The following ABL2 variants were observed in gnomAD, a reference collection of about 807,000 sequenced individuals.
ABL2 encodes tyrosine-protein kinase ABL2.
In ABL2, 49 loss-of-function variants were observed where a neutral mutation model predicts 107.7. That is an observed-to-expected ratio of 0.45 (90% CI 0.36 to 0.58). The LOEUF is 0.58. Ranked by LOEUF, ABL2 falls within the 20% of genes least tolerant of loss-of-function variation. The probability of loss-of-function intolerance (pLI) is 0.00; values close to 1 mark genes in which losing one functional copy is unlikely to be tolerated. For synonymous variants in ABL2, 549 were observed against 548.6 expected (o/e 1.00, Z -0.01); for missense variants, 1,245 against 1,457.0 (o/e 0.85, Z 2.37).
At position 179,106,704 on chromosome 1, in the gene ABL2, A is replaced by C. The variant is rs1322594024; in HGVS notation, c.*1014T>G. ...ACAGGCCACTGGGTTTCAAGAAAAGACCATCTCCCTGGTATTTTAGTTGAT... is the reference window on the plus strand; with the variant it reads ...ACAGGCCACTGGGTTTCAAGAAAAGCCCATCTCCCTGGTATTTTAGTTGAT... On this transcript the variant is annotated 3_prime_UTR_variant, in exon 12 of 12. Transcript: ENST00000502732. The C allele has an allele frequency of 4.3e-6, 1 of 232,196 alleles. No homozygotes were observed. Among genetic ancestry groups the C allele is most frequent in the Non-Finnish European group, 8.5e-6 (1 of 117,480 alleles). The allele number at this position is 232,196 out of a possible 1,614,324, so 14.4% of individuals were successfully genotyped here.
At chr1:179,203,007 T>C (rs773117323) in intron 1 of ABL2, among the ~76,000 whole-genome samples, 52 of 152,314 alleles carry the variant, frequency 3.4e-4, no homozygotes, top group East Asian at 9.6e-4. Context: ...GATACACACA[T>C]CAAAGAGGCT....
At position 179,150,859 on chromosome 1, in the gene ABL2, C is replaced by CCCCAACTT. The variant is rs535942557; in HGVS notation, c.158-17493_158-17486dup. Among the ~76,000 whole-genome samples, 7 of 152,246 alleles carry CCCCAACTT rather than the reference C, an allele frequency of 4.6e-5. No homozygotes were observed. In the East Asian group the frequency reaches 5.8e-4, roughly 13 times the overall value. On this transcript the variant is annotated intron_variant, in intron 1 of 11. Coordinates refer to ENST00000502732, the MANE Select transcript of ABL2 (RefSeq NM_007314.4). ...TTATTTTAAGAAATTGCCACAGCCA[C>CCCCAACTT]CCCAACTTCCCAACTTCCCAACTTC...
chr1:179,210,655 T>C (rs1662223665), intron 1 of ABL2, among the ~76,000 whole-genome samples: 1 of 151,860 alleles, frequency 6.6e-6, no homozygotes, highest in Non-Finnish European at 1.5e-5. Flanking sequence ...ATCGAGACCA[T>C]CCTGGCTAAC....
At chr1:179,213,775 T>C (rs1281214978) in intron 1 of ABL2, among the ~76,000 whole-genome samples, 2 of 151,048 alleles carry the variant, frequency 1.3e-5, no homozygotes, top group African/African-American at 2.4e-5. Context: ...CATGTATTAC[T>C]GTGGTAAAAA....
intron 5 of ABL2, 58 bp from the exon 6 acceptor site, chr1:179,120,332 A>C: frequency 9.2e-6 from 10 of 1,083,908 alleles, no homozygotes; most frequent in Non-Finnish European, 1.4e-5. Context: ...CTCAACTTAA[A>C]ATCATTTCAT....
chr1:179,101,732 A>G lies in ABL2; in HGVS notation c.*5986T>C, dbSNP rs1653106741. The G allele has an allele frequency of 5.4e-6, 1 of 185,006 alleles. No homozygotes were observed. Among genetic ancestry groups the G allele is most frequent in the Non-Finnish European group, 1.1e-5 (1 of 87,262 alleles). 11.5% of individuals were successfully genotyped at this position (185,006 alleles called of 1,614,324 possible). ...CATACCTCAGAGAGGTGGCATGAAA[A>G]GCAGAAATTCATCCGTCTGCACATT... On this transcript the variant is annotated 3_prime_UTR_variant, in exon 12 of 12. Transcript: ENST00000502732.
At chr1:179,117,647 A>C in intron 7 of ABL2, 131 bp from the exon 8 acceptor site, 1 of 796,316 alleles carries the variant, frequency 1.3e-6, no homozygotes, top group Non-Finnish European at 2.0e-6. Context: ...ATCTTCTGAT[A>C]ATCACTAACA....
intron 1 of ABL2, among the ~76,000 whole-genome samples, chr1:179,220,603 T>C (rs544423081): frequency 6.6e-5 from 10 of 152,340 alleles, no homozygotes; most frequent in Non-Finnish European, 1.3e-4. Flanking sequence ...GACTAAAGCA[T>C]GGAATACAGA....
intron 1 of ABL2, among the ~76,000 whole-genome samples, chr1:179,139,292 A>T (rs1657351787): frequency 6.6e-6 from 1 of 150,998 alleles, no homozygotes; most frequent in South Asian, 2.1e-4. Context: ...GGAACGAACA[A>T]CTCCAAACGC....
chr1:179,202,537 T>C (rs1380138546), intron 1 of ABL2, among the ~76,000 whole-genome samples: 1 of 152,236 alleles, frequency 6.6e-6, no homozygotes, highest in African/African-American at 2.4e-5. Flanking sequence ...GGAGCCTAAA[T>C]ACCTGTATAC....
Position 179,126,467 on chromosome 1 carries a change from T to C in ABL2, c.597A>G (p.Glu199=). The change falls in exon 4 of 12, where the codon GAA becomes GAG. Residue 199 remains glutamate (E), a synonymous_variant. Transcript: ENST00000502732. The surrounding 1 kb of genome is among the most constrained non-coding windows in gnomAD (Gnocchi z 4.4). The part of the protein sequence containing the change: ...SLINGSFLVR[E]SESSPGQLSI... ...ACAGCTGCCCAGGGCTACTCTCACT[T>C]TCTCGCACCAGGAAGCTGCCATTGA... The C allele has an allele frequency of 1.2e-6, 2 of 1,614,176 alleles. No homozygotes were observed. The highest frequency in any genetic ancestry group is 1.7e-6 in the Non-Finnish European group (2 of 1,180,046).
At position 179,205,066 on chromosome 1, in the gene ABL2, G is replaced by A. The variant is rs189199945; in HGVS notation, c.157+24175C>T. Among the ~76,000 whole-genome samples the A allele has an allele frequency of 9.4e-3, 1,361 of 144,072 alleles. 60 individuals are homozygous for A. Among genetic ancestry groups the A allele is most frequent in the Admixed American group, 0.068 (948 of 13,862 alleles). The allele number at this position is 144,072 out of a possible 152,430, so 94.5% of individuals were successfully genotyped here. A position where few individuals can be genotyped will look rare whatever the true frequency, so the allele number is the denominator to read the frequency against. ...TTTTGAGACTGAGTCTCACTCTGTC[G>A]CCCAGGCTGGAGTGCAGTGGCGTGA... On this transcript the variant is annotated intron_variant, in intron 1 of 11. Transcript: ENST00000502732.
rs982524855 is a variant in ABL2, at chr1:179,107,536, T to G, written c.*182A>C. On this transcript the variant is annotated 3_prime_UTR_variant, in exon 12 of 12. Coordinates refer to ENST00000502732, the MANE Select transcript of ABL2 (RefSeq NM_007314.4). Reference sequence around the variant, plus strand: ...ACTTAATTTACCTCTCCTATACTTATGTGGTTTGCTTCTTATTTTTGAGAT... The same window carrying G: ...ACTTAATTTACCTCTCCTATACTTAGGTGGTTTGCTTCTTATTTTTGAGAT... The G allele has an allele frequency of 2.4e-6, 3 of 1,253,754 alleles. No homozygotes were observed. The highest frequency in any genetic ancestry group is 3.0e-5 in the African/African-American group (2 of 65,962). 77.7% of individuals were successfully genotyped at this position (1,253,754 alleles called of 1,614,324 possible). A position where few individuals can be genotyped will look rare whatever the true frequency, so the allele number is the denominator to read the frequency against.
chr1:179,192,714 T>C (rs182344635), intron 1 of ABL2, among the ~76,000 whole-genome samples: 214 of 152,282 alleles, frequency 1.4e-3, no homozygotes, highest in Middle Eastern at 0.01. Flanking sequence ...TCACATCACA[T>C]AGAAAAAATT....
At chr1:179,127,226 C>G (rs997596983) in intron 3 of ABL2, among the ~76,000 whole-genome samples, 2 of 152,028 alleles carry the variant, frequency 1.3e-5, no homozygotes, top group African/African-American at 4.8e-5. Context: ...AAACACGGAC[C>G]ACAGAGTTTT....
chr1:179,138,458 A>G (rs1657246663), intron 1 of ABL2, among the ~76,000 whole-genome samples: 1 of 152,186 alleles, frequency 6.6e-6, no homozygotes, highest in Non-Finnish European at 1.5e-5. Context: ...TTGAGTGAAT[A>G]CCACATGCAA....
chr1:179,203,721 T>C (rs2066279), intron 1 of ABL2, among the ~76,000 whole-genome samples: 1 of 151,982 alleles, frequency 6.6e-6, no homozygotes, highest in East Asian at 1.9e-4. Context: ...TCATTTAGTA[T>C]GAAATTGGGA....
At chr1:179,174,918 A>AT (rs1557975336) in intron 1 of ABL2, among the ~76,000 whole-genome samples, 30 of 111,308 alleles carry the variant, frequency 2.7e-4, no homozygotes, top group African/African-American at 7.3e-4. Flanking sequence ...ATAAAATAAA[A>AT]AAAATAATAA....
intron 3 of ABL2, among the ~76,000 whole-genome samples, chr1:179,130,155 T>C (rs1656149286): frequency 6.6e-6 from 1 of 152,214 alleles, no homozygotes; most frequent in South Asian, 2.1e-4. Flanking sequence ...TTGCCCAGGC[T>C]GGTCTCAAAC....
Sources: allele counts gnomAD v4.1 joint callset (sites outside exome capture counted in the v4.1 genomes callset), GRCh38; gene constraint gnomAD v4.1.1; non-coding constraint Gnocchi (gnomAD v3.1); transcripts MANE v1.5; gene names NCBI Gene and HGNC (gene_info 2026-07-23, HGNC 2026-07-21).